The following PAPOLA variants were observed in gnomAD, a reference collection of about 807,000 sequenced individuals.
PAPOLA encodes poly(A) polymerase alpha.
Under a neutral mutation model 100.6 loss-of-function variants are expected in PAPOLA, and 15 were observed. The ratio of observed to expected loss-of-function variants is 0.15; its 90% CI spans 0.10 to 0.23. The LOEUF is 0.23. Among genes scored for constraint, PAPOLA ranks in the 10% least tolerant of loss-of-function variants. The pLI is 1.00. For missense variants in PAPOLA, 533 were observed against 884.2 expected (o/e 0.60, Z 5.04); for synonymous variants, 293 against 300.0 (o/e 0.98, Z 0.24).
intron 4 of PAPOLA, among the ~76,000 whole-genome samples, chr14:96,525,705 T>C (rs1022025528): frequency 6.6e-6 from 1 of 152,122 alleles, no homozygotes; most frequent in African/African-American, 2.4e-5. Context: ...TGAGCTGTGA[T>C]TGCATTGCTA....
chr14:96,502,836 C>CG, intron 1 of PAPOLA: 1 of 432,824 alleles, frequency 2.3e-6, no homozygotes, highest in Non-Finnish European at 4.1e-6. Flanking sequence ...GCCGTCGGGC[C>CG]GGGGGCCTTC....
intron 1 of PAPOLA, among the ~76,000 whole-genome samples, chr14:96,519,137 C>T (rs910632487): frequency 3.3e-5 from 5 of 151,062 alleles, no homozygotes; most frequent in African/African-American, 1.2e-4. Flanking sequence ...GCATGTTATC[C>T]AGGCTGGCCT....
intron 6 of PAPOLA, among the ~76,000 whole-genome samples, chr14:96,531,220 C>G (rs1410899981): frequency 6.6e-6 from 1 of 151,970 alleles, no homozygotes; most frequent in Non-Finnish European, 1.5e-5. Context: ...CCAGGATGGT[C>G]TCGATCTCCT....
chr14:96,545,318 C>G (rs541173251), intron 15 of PAPOLA, among the ~76,000 whole-genome samples: 1 of 152,076 alleles, frequency 6.6e-6, no homozygotes, highest in South Asian at 2.1e-4. Flanking sequence ...TACAGTGACA[C>G]TAGAAGATAA....
intron 12 of PAPOLA, among the ~76,000 whole-genome samples, chr14:96,538,666 C>T (rs989441190): frequency 6.6e-6 from 1 of 151,936 alleles, no homozygotes; most frequent in South Asian, 2.1e-4. Flanking sequence ...CTAGTTTTAT[C>T]CATACCAAAT....
intron 12 of PAPOLA, among the ~76,000 whole-genome samples, chr14:96,540,611 C>T (rs1435976801): frequency 6.6e-6 from 1 of 152,116 alleles, no homozygotes; most frequent in African/African-American, 2.4e-5. Flanking sequence ...TGTGCTTGCT[C>T]ATGTATTTGA....
intron 19 of PAPOLA, among the ~76,000 whole-genome samples, chr14:96,559,577 C>CTATA (rs1266017605): frequency 0.021 from 2,301 of 110,434 alleles, 21 homozygotes; most frequent in African/African-American, 0.032. Flanking sequence ...CTCTCTCTCT[C>CTATA]TCTCTATATA....
chr14:96,520,753 T>C (rs1289376338), intron 2 of PAPOLA, among the ~76,000 whole-genome samples: 1 of 152,134 alleles, frequency 6.6e-6, no homozygotes, highest in Non-Finnish European at 1.5e-5. Flanking sequence ...TTTTATGCTT[T>C]TGGTTATTAT....
intron 1 of PAPOLA, among the ~76,000 whole-genome samples, chr14:96,507,167 G>T (rs1896771771): frequency 6.6e-6 from 1 of 151,618 alleles, no homozygotes; most frequent in African/African-American, 2.4e-5. Flanking sequence ...GCAACAGATT[G>T]AATGCAGAAG....
In PAPOLA at chr14:96,514,860, G is replaced by A. The variant is rs187019293; in HGVS notation, c.9-5195G>A. Among the ~76,000 whole-genome samples the A allele has an allele frequency of 7.9e-3, 1,198 of 152,284 alleles. 18 individuals carry two copies. Among genetic ancestry groups the A allele is most frequent in the South Asian group, 0.046 (222 of 4,826 alleles). ...CAACTTACCAAGAATAATATAACTA[G>A]TGGCAGAATTGAAACCAGAGTAATA... is the stretch of plus-strand genomic sequence containing the variant. On this transcript the variant is annotated intron_variant, in intron 1 of 21. Coordinates refer to ENST00000216277, the MANE Select transcript of PAPOLA (RefSeq NM_032632.5).
chr14:96,556,441 G>A (rs956370241), intron 19 of PAPOLA, 28 bp downstream of exon 19: 20 of 1,418,494 alleles, frequency 1.4e-5, no homozygotes, highest in Non-Finnish European at 1.9e-5. Flanking sequence ...ATATTAGTTA[G>A]CCATGGCAAC....
At chr14:96,533,907 C>T in intron 9 of PAPOLA, 10 of 985,484 alleles carry the variant, frequency 1.0e-5, no homozygotes, top group Non-Finnish European at 1.1e-5. Flanking sequence ...TTTTAAGAAG[C>T]TAACCTTGAT....
At chr14:96,529,353 T>G (rs1898784789) in intron 6 of PAPOLA, among the ~76,000 whole-genome samples, 1 of 151,966 alleles carries the variant, frequency 6.6e-6, no homozygotes, top group Non-Finnish European at 1.5e-5. Flanking sequence ...CTTATTTGTG[T>G]AACAGTACAA....
At chr14:96,556,059 G>T in intron 18 of PAPOLA, 112 bp downstream of exon 18, 1 of 1,181,026 alleles carries the variant, frequency 8.5e-7, no homozygotes, top group South Asian at 1.3e-5. Context: ...TTAAATGCCA[G>T]TTTATTTTTT....
Position 96,552,521 on chromosome 14 carries a change from C to T in PAPOLA, c.1563C>T (p.Ser521=). The change falls in exon 17 of 22, where the codon AGC becomes AGT. Residue 521 remains serine (S), a synonymous_variant. Coordinates refer to ENST00000216277, the MANE Select transcript of PAPOLA (RefSeq NM_032632.5). The stretch of plus-strand genomic sequence containing the variant: ...TCAAATTGACAGCTCTCAATGACAG[C>T]AGCCTCGACTTGTCTATGGACAGTG... ...EGVKLTALND[S]SLDLSMDSDN... The T allele has an allele frequency of 6.2e-7, 1 of 1,613,610 alleles. No individual in the cohort carries two copies. Among genetic ancestry groups the T allele is most frequent in the African/African-American group, 1.3e-5 (1 of 75,038 alleles).
chr14:96,502,755 T>A, intron 1 of PAPOLA, 155 bp downstream of exon 1: 1 of 731,848 alleles, frequency 1.4e-6, no homozygotes, highest in Non-Finnish European at 2.0e-6. Context: ...GTTTCCTCGC[T>A]CGCTCGCCGC....
intron 16 of PAPOLA, among the ~76,000 whole-genome samples, chr14:96,551,376 A>G (rs1010468407): frequency 6.6e-6 from 1 of 152,180 alleles, no homozygotes; most frequent in African/African-American, 2.4e-5. Context: ...CTCATTTATA[A>G]TATTAGGTAC....
chr14:96,504,049 C>A (rs1308294771), intron 1 of PAPOLA, among the ~76,000 whole-genome samples: 3 of 152,168 alleles, frequency 2.0e-5, no homozygotes, highest in African/African-American at 7.2e-5. Flanking sequence ...TTTTCCCTTT[C>A]ATAGAATAAG....
chr14:96,565,053 AC>A lies in PAPOLA; in HGVS notation c.*4del, dbSNP rs754540781. The A allele has an allele frequency of 2.7e-5, 40 of 1,457,222 alleles. No individual in the cohort carries two copies. In the South Asian group the frequency reaches 4.1e-4, roughly 15 times the overall value. The allele number at this position is 1,457,222 out of a possible 1,614,324, so 90.3% of individuals were successfully genotyped here. A position where few individuals can be genotyped will look rare whatever the true frequency, so the allele number is the denominator to read the frequency against. Reference sequence around the variant, plus strand: ...TAAAACTGAGATTGAATCGGTAAAAACAACCTCAGGGGTCCATAAACAATAT... The same window carrying A: ...TAAAACTGAGATTGAATCGGTAAAAAAACCTCAGGGGTCCATAAACAATAT... On this transcript the variant is annotated 3_prime_UTR_variant, in exon 22 of 22. Transcript: ENST00000216277.
Sources: allele counts gnomAD v4.1 joint callset (sites outside exome capture counted in the v4.1 genomes callset), GRCh38; gene constraint gnomAD v4.1.1; transcripts MANE v1.5; gene names NCBI Gene and HGNC (gene_info 2026-07-23, HGNC 2026-07-21).